KAZN: variants seen among roughly 807,000 people sequenced by gnomAD.
KAZN encodes the protein kazrin.
In KAZN, 40 loss-of-function variants were observed where a neutral mutation model predicts 87.4. The observed-to-expected ratio is 0.46, with a 90% CI of 0.36 to 0.60. The LOEUF is 0.60. Ranked by LOEUF, KAZN falls within the 20% of genes least tolerant of loss-of-function variation. The probability of loss-of-function intolerance (pLI) is 0.00; values close to 1 mark genes in which losing one functional copy is unlikely to be tolerated. For missense variants in KAZN, 898 were observed against 1,073.9 expected, an observed-to-expected ratio of 0.84 and a Z score of 2.29; for synonymous variants, 466 against 458.3, an observed-to-expected ratio of 1.02 and a Z score of -0.22.
intron 2 of KAZN, among the ~76,000 whole-genome samples, chr1:14,348,051 A>ATTTTTTTTT (rs70997137): frequency 8.5e-6 from 1 of 117,870 alleles, no homozygotes; most frequent in Admixed American, 1.0e-4. Flanking sequence ...CACCTGGCTA[A>ATTTTTTTTT]TTTTTTTTTT....
At chr1:13,995,219 C>CAAAAAAAAAAAAAAAAAAAAAAAAA (rs113600200) in intron 1 of KAZN, among the ~76,000 whole-genome samples, 3 of 107,380 alleles carry the variant, frequency 2.8e-5, no homozygotes, top group East Asian at 5.8e-4. Context: ...TGCAATAAGG[C>CAAAAAAAAAAAAAAAAAAAAAAAAA]AAAAAAAAAA....
chr1:14,264,117 C>A (rs1416048257), intron 2 of KAZN, among the ~76,000 whole-genome samples: 1 of 152,210 alleles, frequency 6.6e-6, no homozygotes, highest in East Asian at 1.9e-4. Context: ...TGTGAGTCAG[C>A]TGGGTCCTCT....
intron 2 of KAZN, among the ~76,000 whole-genome samples, chr1:14,479,922 C>A (rs1182995965): frequency 6.6e-6 from 1 of 152,192 alleles, no homozygotes; most frequent in Non-Finnish European, 1.5e-5. Context: ...TTGAAGGACA[C>A]ATAAACCAAG....
intron 2 of KAZN, among the ~76,000 whole-genome samples, chr1:14,589,341 A>C (rs947655300): frequency 6.6e-6 from 1 of 151,948 alleles, no homozygotes; most frequent in Admixed American, 6.5e-5. Flanking sequence ...TAAAAAAAAA[A>C]AAAAGGGAGG....
intron 1 of KAZN, among the ~76,000 whole-genome samples, chr1:14,902,457 T>C (rs1273529136): frequency 6.6e-6 from 1 of 152,164 alleles, no homozygotes; most frequent in Non-Finnish European, 1.5e-5. Context: ...CTTGATCTCC[T>C]GACCTCGTGA....
chr1:14,947,053 CTG>C (rs1042524346), intron 1 of KAZN, among the ~76,000 whole-genome samples: 1 of 152,122 alleles, frequency 6.6e-6, no homozygotes, highest in Non-Finnish European at 1.5e-5. Flanking sequence ...GAGAAGGAAA[CTG>C]AGACACTGGG....
In KAZN at chr1:15,081,243, G is replaced by T. The variant is rs1377155455; in HGVS notation, c.1223-12937G>T. ...GCTGGCTCACACAGGCCCACGGATG[G>T]CTCTCTTCCCAACTCCACGTCCAGT... is the stretch of plus-strand genomic sequence containing the variant. On this transcript the variant is annotated intron_variant, in intron 8 of 14. Transcript: ENST00000376030. This position sits in a 1 kb window ranked among gnomAD's most constrained non-coding sequence, Gnocchi z 4.1. Among the ~76,000 whole-genome samples, 1 of 152,204 alleles carries T rather than the reference G, an allele frequency of 6.6e-6. No homozygotes were observed. The highest frequency in any genetic ancestry group is 1.5e-5 in the Non-Finnish European group (1 of 68,036).
chr1:14,325,526 T>TC (rs1656349310), intron 2 of KAZN, among the ~76,000 whole-genome samples: 1 of 152,000 alleles, frequency 6.6e-6, no homozygotes, highest in African/African-American at 2.4e-5. Flanking sequence ...TGGTAGAAAT[T>TC]ACAGAAAAGT....
intron 1 of KAZN, among the ~76,000 whole-genome samples, chr1:14,648,385 T>C (rs1401618835): frequency 6.6e-6 from 1 of 152,218 alleles, no homozygotes; most frequent in Non-Finnish European, 1.5e-5. Context: ...ATGAGAAACA[T>C]TTGAAAACAG....
intron 2 of KAZN, among the ~76,000 whole-genome samples, chr1:14,574,531 T>A (rs1675062760): frequency 6.6e-6 from 1 of 151,940 alleles, no homozygotes; most frequent in Non-Finnish European, 1.5e-5. Context: ...TATTCTCTCT[T>A]GTCTGCCGCC....
chr1:14,861,101 G>A (rs542932831), intron 1 of KAZN, among the ~76,000 whole-genome samples: 2 of 152,332 alleles, frequency 1.3e-5, no homozygotes, highest in South Asian at 4.2e-4. Context: ...AGCAAAGCCG[G>A]GTGCAGTGGC....
intron 1 of KAZN, chr1:14,924,636 C>T: frequency 1.1e-6 from 1 of 933,932 alleles, no homozygotes; most frequent in Non-Finnish European, 1.3e-6. Context: ...CCGCCGGGGC[C>T]GGGCGCGCGA....
At chr1:14,978,548 A>G (rs1004723817) in intron 2 of KAZN, among the ~76,000 whole-genome samples, 5 of 152,156 alleles carry the variant, frequency 3.3e-5, no homozygotes, top group Non-Finnish European at 5.9e-5. Context: ...CCCCTGAGGC[A>G]GTCTTCTTCT....
At chr1:14,100,041 A>G (rs1389427050) in intron 1 of KAZN, among the ~76,000 whole-genome samples, 1 of 152,138 alleles carries the variant, frequency 6.6e-6, no homozygotes, top group East Asian at 1.9e-4. Flanking sequence ...ATGGCCATGA[A>G]AGTTGCATCT....
At chr1:14,472,721 G>A (rs1396105285) in intron 2 of KAZN, among the ~76,000 whole-genome samples, 1 of 151,558 alleles carries the variant, frequency 6.6e-6, no homozygotes, top group Non-Finnish European at 1.5e-5. Context: ...TTGATTCCCT[G>A]AGATCTTTGT....
At position 14,111,174 on chromosome 1, in the gene KAZN, G is replaced by C. The variant is rs898272325; in HGVS notation, c.92-69261G>C. On this transcript the variant is annotated intron_variant, in intron 1 of 16. Transcript: ENST00000636203. ...TTAGGCAAAATGCTAGAGATAGGGG[G>C]ACAGCAGGATAAATAGAGTTTCCAC... Among the ~76,000 whole-genome samples, 2 of 134,262 alleles carry C rather than the reference G, an allele frequency of 1.5e-5. 1 individual carries two copies. Among genetic ancestry groups the C allele is most frequent in the South Asian group, 5.0e-4 (2 of 4,018 alleles). The allele number at this position is 134,262 out of a possible 152,430, so 88.1% of individuals were successfully genotyped here.
At chr1:14,505,949 G>A (rs1670562841) in intron 2 of KAZN, among the ~76,000 whole-genome samples, 2 of 152,132 alleles carry the variant, frequency 1.3e-5, no homozygotes, top group South Asian at 4.1e-4. Flanking sequence ...ACTCCAGCCT[G>A]GGCAACAGAG....
intron 2 of KAZN, among the ~76,000 whole-genome samples, chr1:14,197,080 C>T (rs926428446): frequency 4.6e-5 from 7 of 151,718 alleles, no homozygotes; most frequent in South Asian, 2.1e-4. Context: ...ATTCTGGGGG[C>T]GTGAGCCCAG....
chr1:13,943,218 A>G (rs6660353), intron 1 of KAZN, among the ~76,000 whole-genome samples: 21,099 of 152,206 alleles, frequency 0.14, 1,554 homozygotes, highest in Middle Eastern at 0.22. Flanking sequence ...AGAAGATACT[A>G]CTTTCAAAAG....
Sources: allele counts gnomAD v4.1 joint callset (sites outside exome capture counted in the v4.1 genomes callset), GRCh38; gene constraint gnomAD v4.1.1; non-coding constraint Gnocchi (gnomAD v3.1); transcripts MANE v1.5; gene names NCBI Gene and HGNC (gene_info 2026-07-23, HGNC 2026-07-21).